Variants in PAQR5 observed in about 807,000 individuals in gnomAD.
PAQR5 encodes membrane progestin receptor gamma.
In PAQR5, 20 loss-of-function variants were observed where a neutral mutation model predicts 34.5. The observed-to-expected ratio is 0.58, with a 90% confidence interval of 0.41 to 0.84. The LOEUF is 0.84. Ranked by LOEUF, PAQR5 falls within the 40% of genes least tolerant of loss-of-function variation. The pLI is 0.00. For synonymous variants in PAQR5, 131 were observed against 155.6 expected, an observed-to-expected ratio of 0.84 and a Z score of 1.18; for missense variants, 378 against 412.7, an observed-to-expected ratio of 0.92 and a Z score of 0.73.
In PAQR5 at chr15:69,398,005, C is replaced by T. The variant is rs186226472; in HGVS notation, c.609+441C>T. On this transcript the variant is annotated intron_variant, in intron 7 of 8. Coordinates refer to ENST00000395407, the MANE Select transcript of PAQR5 (RefSeq NM_017705.4). ...TGAGTGGAGTGAGCAGGAGAGCGAG[C>T]TCTGCAGGCAGGTCTCCAATACTTG... 2.0e-5 allele frequency among the ~76,000 whole-genome samples: 3 copies of T among 152,288 alleles called. No homozygotes were observed. In the East Asian group the frequency reaches 5.8e-4, roughly 29 times the overall value.
At chr15:69,362,824 C>T (rs1025279626) in intron 3 of PAQR5, among the ~76,000 whole-genome samples, 19 of 152,168 alleles carry the variant, frequency 1.2e-4, no homozygotes, top group Non-Finnish European at 2.2e-4. Context: ...ACTCGAACCC[C>T]GGCTCCCTCG....
intron 6 of PAQR5, among the ~76,000 whole-genome samples, chr15:69,390,298 G>A (rs2140958965): frequency 6.6e-6 from 1 of 151,872 alleles, no homozygotes; most frequent in Non-Finnish European, 1.5e-5. Context: ...TTACAGGCGT[G>A]AGCCATGGTG....
At position 69,384,691 on chromosome 15, in the gene PAQR5, G is replaced by C; in HGVS notation, c.194G>C (p.Arg65Thr). 1 of 1,613,804 alleles carries C rather than the reference G, an allele frequency of 6.2e-7. No homozygotes were observed. The highest frequency in any genetic ancestry group is 8.5e-7 in the Non-Finnish European group (1 of 1,179,720). Reference sequence around the variant, plus strand: ...CTGTGTTCCAGGTTCTTTGCATGGAGGTTTGTGACTGCACTGTATATGACA... The same window carrying C: ...CTGTGTTCCAGGTTCTTTGCATGGACGTTTGTGACTGCACTGTATATGACA... ...HLLPFWFFAW[R>T]FVTALYMTDI... The change falls in exon 5 of 9, where the codon AGG (arginine) becomes ACG (threonine). Residue 65 changes from arginine (R) to threonine (T), a missense_variant. By Grantham distance (71) the Arg-to-Thr change is moderately conservative. Coordinates refer to ENST00000395407, the MANE Select transcript of PAQR5 (RefSeq NM_017705.4).
At chr15:69,399,253 C>G (rs2056546392) in intron 7 of PAQR5, among the ~76,000 whole-genome samples, 1 of 152,198 alleles carries the variant, frequency 6.6e-6, no homozygotes, top group Non-Finnish European at 1.5e-5. Flanking sequence ...ATCCACTAAA[C>G]AGTTGACCCT....
intron 1 of PAQR5, among the ~76,000 whole-genome samples, chr15:69,333,875 T>G (rs1036983297): frequency 1.3e-5 from 2 of 151,110 alleles, no homozygotes; most frequent in Non-Finnish European, 3.0e-5. Flanking sequence ...TTCATATGTG[T>G]TGTGTGTGTG....
chr15:69,330,027 G>A (rs1425190028), intron 1 of PAQR5, among the ~76,000 whole-genome samples: 1 of 152,216 alleles, frequency 6.6e-6, no homozygotes, highest in African/African-American at 2.4e-5. Flanking sequence ...AAAAATGAAA[G>A]TCATTTGGAA....
rs2054130944 is a variant in PAQR5, at chr15:69,322,719, G to A, written c.-276-14622G>A. On this transcript the variant is annotated intron_variant, in intron 1 of 8. Transcript: ENST00000395407. Reference sequence around the variant, plus strand: ...AGAAGAAGAAGAAGAAGAAGAAGAAGAAGAAGAAGAAGAAGAAGAAGAAGA... The same window carrying A: ...AGAAGAAGAAGAAGAAGAAGAAGAAAAAGAAGAAGAAGAAGAAGAAGAAGA... Among the ~76,000 whole-genome samples, 2 of 22,614 alleles carry A rather than the reference G, an allele frequency of 8.8e-5. 1 individual carries two copies. Among genetic ancestry groups the A allele is most frequent in the Non-Finnish European group, 1.9e-4 (2 of 10,502 alleles). The allele number at this position is 22,614 out of a possible 152,430, so 14.8% of individuals were successfully genotyped here.
chr15:69,352,701 C>T (rs1468772861), intron 2 of PAQR5, among the ~76,000 whole-genome samples: 1 of 152,184 alleles, frequency 6.6e-6, no homozygotes, highest in Non-Finnish European at 1.5e-5. Flanking sequence ...TCTCAGTTGG[C>T]AGAAATTCGA....
intron 6 of PAQR5, among the ~76,000 whole-genome samples, chr15:69,390,340 A>ATTTTTT (rs1450802023): frequency 5.0e-5 from 5 of 99,452 alleles, no homozygotes; most frequent in Admixed American, 2.3e-4. Flanking sequence ...TTATTTATTT[A>ATTTTTT]TTTATTTATT....
intron 8 of PAQR5, among the ~76,000 whole-genome samples, chr15:69,400,668 C>T (rs1193593680): frequency 2.0e-5 from 3 of 151,866 alleles, no homozygotes; most frequent in South Asian, 2.1e-4. Context: ...TGAGAGAGAT[C>T]CTATGTGAAG....
In PAQR5 at chr15:69,389,665, GC is replaced by G; in HGVS notation, c.399del (p.Tyr134ThrfsTer25). ...VNLFSLGSAI[A>X]YSAYTFPDAL... is the part of the protein sequence containing the mutation. Reference sequence around the variant, plus strand: ...CTTTTCTTCCCCAGGCTCAGCCATTGCCTACTCTGCATACACGTTCCCGGAT... The same window carrying G: ...CTTTTCTTCCCCAGGCTCAGCCATTGCTACTCTGCATACACGTTCCCGGAT... On this transcript the variant is annotated frameshift_variant, in exon 6 of 9. Coordinates refer to ENST00000395407, the MANE Select transcript of PAQR5 (RefSeq NM_017705.4). LOFTEE classifies it high-confidence loss of function. The G allele has an allele frequency of 6.2e-7, 1 of 1,614,174 alleles. No homozygotes were observed. Among genetic ancestry groups the G allele is most frequent in the Non-Finnish European group, 8.5e-7 (1 of 1,180,018 alleles).
rs918414853 is a variant in PAQR5 at position 69,385,972 on chromosome 15, TAC to T, written c.385+1101_385+1102del. 1.5e-4 allele frequency among the ~76,000 whole-genome samples: 21 copies of T among 143,350 alleles called. No homozygotes were observed. Among genetic ancestry groups the T allele is most frequent in the South Asian group, 8.9e-4 (4 of 4,484 alleles). The allele number at this position is 143,350 out of a possible 152,430, so 94.0% of individuals were successfully genotyped here. ...CACTCACATGCACACTCTCAAACACTACACACACACACCACCCATACTGACAC... is the reference window on the plus strand; with the variant it reads ...CACTCACATGCACACTCTCAAACACTACACACACACCACCCATACTGACAC... On this transcript the variant is annotated intron_variant, in intron 5 of 8. Transcript: ENST00000395407. This position sits in a 1 kb window ranked among gnomAD's most constrained non-coding sequence, Gnocchi z 4.7.
At chr15:69,386,399 C>G (rs1017964291) in intron 5 of PAQR5, among the ~76,000 whole-genome samples, 26 of 152,110 alleles carry the variant, frequency 1.7e-4, no homozygotes, top group Non-Finnish European at 5.9e-5. Context: ...TAGACCGTGC[C>G]CCTTTCCGTG....
At chr15:69,329,065 G>A (rs1442945592) in intron 1 of PAQR5, among the ~76,000 whole-genome samples, 4 of 152,248 alleles carry the variant, frequency 2.6e-5, no homozygotes, top group Non-Finnish European at 5.9e-5. Context: ...CCGTCTGGAC[G>A]CCAGGTTACC....
At chr15:69,389,903 T>G in intron 6 of PAQR5, 123 bp downstream of exon 6, 1 of 1,147,790 alleles carries the variant, frequency 8.7e-7, no homozygotes, top group South Asian at 1.5e-5. Context: ...AACCTAGGAC[T>G]CCGTTCCAGG....
At chr15:69,374,708 C>T (rs557426012) in intron 3 of PAQR5, among the ~76,000 whole-genome samples, 44 of 152,190 alleles carry the variant, frequency 2.9e-4, no homozygotes, top group African/African-American at 9.9e-4. Flanking sequence ...TGCATCAATG[C>T]ATGGCCTCCC....
At chr15:69,355,212 T>C (rs1412568998) in intron 2 of PAQR5, among the ~76,000 whole-genome samples, 1 of 152,172 alleles carries the variant, frequency 6.6e-6, no homozygotes, top group Non-Finnish European at 1.5e-5. Flanking sequence ...CCTACCTATC[T>C]ACCTATCTAC....
chr15:69,356,987 CTG>C (rs201440862), intron 2 of PAQR5, among the ~76,000 whole-genome samples: 3,143 of 152,224 alleles, frequency 0.021, 112 homozygotes, highest in African/African-American at 0.072. Flanking sequence ...TGGCTTGGTG[CTG>C]TCTTCGAGAT....
At chr15:69,308,454 C>T (rs2053764008) in intron 1 of PAQR5, among the ~76,000 whole-genome samples, 2 of 152,242 alleles carry the variant, frequency 1.3e-5, no homozygotes, top group Admixed American at 1.3e-4. Flanking sequence ...ACATATTGGG[C>T]CAGATAATTC....
Sources: gnomAD v4.1 joint callset for allele counts (sites outside exome capture counted in the v4.1 genomes callset) on GRCh38, gnomAD v4.1.1 for gene constraint, Gnocchi (gnomAD v3.1) non-coding constraint, MANE v1.5 for transcripts, NCBI Gene and HGNC (gene_info 2026-07-23, HGNC 2026-07-21) for gene names.